The following SLIT1 variants were observed in gnomAD, a reference collection of about 807,000 sequenced individuals.
The protein encoded by SLIT1 is slit homolog 1 protein.
SLIT1 carries 66 observed loss-of-function variants against 186.1 expected under a neutral mutation model. That is an observed-to-expected ratio of 0.35 (90% CI 0.29 to 0.44). The LOEUF (loss-of-function observed/expected upper bound fraction) is 0.44, where lower values mean the gene tolerates loss of function less well. SLIT1 is among the 20% of genes least tolerant of loss of function. The pLI is 1.00. For synonymous variants in SLIT1, 761 were observed against 833.8 expected (o/e 0.91, Z 1.50); for missense variants, 1,638 against 2,037.4 (o/e 0.80, Z 3.77).
intron 4 of SLIT1, among the ~76,000 whole-genome samples, chr10:97,128,898 C>T (rs1426453960): frequency 6.6e-6 from 1 of 151,056 alleles, no homozygotes; most frequent in Non-Finnish European, 1.5e-5. Context: ...TTCCGTGTTC[C>T]TTAAATATCT....
chr10:97,037,814 GTGCCCC>G, intron 21 of SLIT1, 48 bp from the exon 22 acceptor site: 2 of 1,523,214 alleles, frequency 1.3e-6, no homozygotes, highest in Non-Finnish European at 1.8e-6. Context: ...ACCTCTGGTG[GTGCCCC>G]ATGCTGGGGA....
chr10:97,075,694 G>T (rs978656669), intron 4 of SLIT1, among the ~76,000 whole-genome samples: 3 of 152,184 alleles, frequency 2.0e-5, no homozygotes, highest in Non-Finnish European at 4.4e-5. Flanking sequence ...CCTGGCACCT[G>T]GTGGATTGGC....
At chr10:97,041,753 G>A (rs903026891) in intron 20 of SLIT1, among the ~76,000 whole-genome samples, 1 of 152,210 alleles carries the variant, frequency 6.6e-6, no homozygotes, top group Non-Finnish European at 1.5e-5. Flanking sequence ...TTACAGGCAT[G>A]AGCCTCCGCG....
chr10:97,040,676 C>G (rs185379193), intron 20 of SLIT1, among the ~76,000 whole-genome samples: 21 of 152,296 alleles, frequency 1.4e-4, no homozygotes, highest in African/African-American at 4.6e-4. Flanking sequence ...AGGCACCTTG[C>G]TTGAATCATA....
intron 4 of SLIT1, among the ~76,000 whole-genome samples, chr10:97,093,979 T>C (rs1301007019): frequency 6.6e-6 from 1 of 152,124 alleles, no homozygotes; most frequent in African/African-American, 2.4e-5. Context: ...ATGGCTGAAA[T>C]GTGAGTGAGT....
chr10:97,100,530 G>A (rs1849340135), intron 4 of SLIT1, among the ~76,000 whole-genome samples: 1 of 151,928 alleles, frequency 6.6e-6, no homozygotes, highest in South Asian at 2.1e-4. Flanking sequence ...CAGCTACTCA[G>A]GAGGCTGAAG....
Position 97,185,889 on chromosome 10 carries a change from G to A in SLIT1, c.-215C>T. ...GGGCGCCTTGGGCGGAGGGGGCTCG[G>A]CTCCTCTGCCGTTTCGCCGCCTGCG... On this transcript the variant is annotated 5_prime_UTR_variant, in exon 1 of 37. Transcript: ENST00000266058. 1 of 498,050 alleles carries A rather than the reference G, an allele frequency of 2.0e-6. No individual in the cohort carries two copies. 30.9% of individuals were successfully genotyped at this position (498,050 alleles called of 1,614,324 possible). A position where few individuals can be genotyped will look rare whatever the true frequency, so the allele number is the denominator to read the frequency against.
intron 25 of SLIT1, among the ~76,000 whole-genome samples, chr10:97,028,759 C>G (rs1848567488): frequency 6.6e-6 from 1 of 152,234 alleles, no homozygotes; most frequent in African/African-American, 2.4e-5. Flanking sequence ...ACTAGAGTCA[C>G]TCTGGTTACC....
At chr10:97,036,977 A>G (rs925472252) in intron 22 of SLIT1, among the ~76,000 whole-genome samples, 8 of 151,830 alleles carry the variant, frequency 5.3e-5, no homozygotes, top group Admixed American at 5.2e-4. Context: ...GCTGAGCTGG[A>G]CCGAGAAGCT....
At chr10:97,057,083 G>A (rs990105330) in intron 12 of SLIT1, 127 bp downstream of exon 12, 2 of 701,544 alleles carry the variant, frequency 2.9e-6, no homozygotes, top group South Asian at 1.9e-5. Context: ...GGGTCTGCCT[G>A]TCTTCCAAGC....
chr10:97,018,731 G>A (rs1848476640), intron 27 of SLIT1, 48 bp from the exon 28 acceptor site: 1 of 1,291,558 alleles, frequency 7.7e-7, no homozygotes, highest in East Asian at 2.5e-5. Flanking sequence ...CCAGGAGTTA[G>A]TATGAGCCAA....
intron 4 of SLIT1, among the ~76,000 whole-genome samples, chr10:97,077,745 G>C (rs1000493077): frequency 6.6e-6 from 1 of 152,178 alleles, no homozygotes; most frequent in African/African-American, 2.4e-5. Context: ...CCACTCCTAA[G>C]AGAATGATAA....
At chr10:97,007,892 A>G (rs1848373675) in intron 31 of SLIT1, among the ~76,000 whole-genome samples, 1 of 148,994 alleles carries the variant, frequency 6.7e-6, no homozygotes, top group African/African-American at 2.5e-5. Flanking sequence ...ACACAAGGAT[A>G]TTTGCTCTCA....
intron 1 of SLIT1, among the ~76,000 whole-genome samples, chr10:97,180,582 A>C (rs560553902): frequency 6.6e-6 from 1 of 152,276 alleles, no homozygotes; most frequent in Non-Finnish European, 1.5e-5. Flanking sequence ...AAACCCCATC[A>C]CTTGCCCAAG....
intron 1 of SLIT1, among the ~76,000 whole-genome samples, chr10:97,165,767 C>T (rs1054835238): frequency 2.6e-5 from 4 of 152,106 alleles, no homozygotes; most frequent in Non-Finnish European, 5.9e-5. Flanking sequence ...GGAAGCGAGG[C>T]CACCCCACCA....
In SLIT1 at chr10:97,047,995, G is replaced by T; in HGVS notation, c.1467C>A (p.Ala489=). ...QIKSKKFRCS[A]KEQYFIPGTE... ...TACCTGGAATGAAGTACTGCTCTTT[G>T]GCTGGGAAGAGAAGCAGAAATACCA... The change falls in exon 15 of 37, where the codon GCC becomes GCA. Residue 489 remains alanine, a splice_region_variant and synonymous_variant. Transcript: ENST00000266058. 6.2e-7 allele frequency: 1 copy of T among 1,614,126 alleles called. No individual in the cohort carries two copies. The highest frequency in any genetic ancestry group is 8.5e-7 in the Non-Finnish European group (1 of 1,179,988).
At chr10:97,047,110 A>T (rs1251129055) in intron 16 of SLIT1, 45 bp from the exon 17 acceptor site, 34 of 1,249,558 alleles carry the variant, frequency 2.7e-5, no homozygotes, top group Non-Finnish European at 3.8e-5. Context: ...AATGATGGAC[A>T]TTTCAAATCC....
chr10:97,023,448 C>T (rs1848518627), intron 25 of SLIT1, among the ~76,000 whole-genome samples: 1 of 152,040 alleles, frequency 6.6e-6, no homozygotes, highest in African/African-American at 2.4e-5. Flanking sequence ...GTGTAATATG[C>T]TAATAGCCCG....
intron 4 of SLIT1, among the ~76,000 whole-genome samples, chr10:97,149,258 C>G (rs995063260): frequency 2.0e-5 from 3 of 152,228 alleles, no homozygotes; most frequent in African/African-American, 7.2e-5. Context: ...CCCGGAGACT[C>G]CCGTGCCGGC....
Sources: gnomAD v4.1 joint callset for allele counts (sites outside exome capture counted in the v4.1 genomes callset) on GRCh38, gnomAD v4.1.1 for gene constraint, MANE v1.5 for transcripts, NCBI Gene and HGNC (gene_info 2026-07-23, HGNC 2026-07-21) for gene names.